HLCS: variants seen among roughly 807,000 people sequenced by gnomAD.
HLCS encodes the protein biotin--protein ligase.
A neutral mutation model predicts 75.0 loss-of-function variants in HLCS; 53 were observed. The observed-to-expected ratio is 0.71, with a 90% CI of 0.57 to 0.89. The LOEUF is 0.89. HLCS is among the 40% of genes least tolerant of loss of function. The pLI is 0.00. For missense variants in HLCS, 966 were observed against 1,074.0 expected, an observed-to-expected ratio of 0.90 and a Z score of 1.41; for synonymous variants, 431 against 428.6, an observed-to-expected ratio of 1.01 and a Z score of -0.07.
intron 1 of HLCS, chr21:36,974,094 G>A (rs1009753481): frequency 8.5e-5 from 13 of 152,460 alleles, no homozygotes; most frequent in African/African-American, 3.1e-4. Context: ...GTAGGGCTGA[G>A]GGCACACAAC....
At chr21:36,874,808 C>T (rs1405249002) in intron 6 of HLCS, among the ~76,000 whole-genome samples, 1 of 152,054 alleles carries the variant, frequency 6.6e-6, no homozygotes. Context: ...GCCCCATGCT[C>T]CCAGGTGCAG....
chr21:36,758,141 C>T (rs2145737844), intron 9 of HLCS, among the ~76,000 whole-genome samples: 1 of 151,906 alleles, frequency 6.6e-6, no homozygotes, highest in African/African-American at 2.4e-5. Flanking sequence ...GGTCTCACTC[C>T]AGTTGCCCAG....
chr21:36,950,343 A>T (rs2067612084), intron 2 of HLCS, among the ~76,000 whole-genome samples: 1 of 152,250 alleles, frequency 6.6e-6, no homozygotes, highest in African/African-American at 2.4e-5. Flanking sequence ...ACTCATAGTG[A>T]GTCAAAAGCT....
chr21:36,778,631 T>C (rs775485798), intron 6 of HLCS, among the ~76,000 whole-genome samples: 1 of 152,226 alleles, frequency 6.6e-6, no homozygotes, highest in Non-Finnish European at 1.5e-5. Flanking sequence ...TGAACCATCA[T>C]TTCTTCCATA....
At chr21:36,774,651 C>A (rs1385684764) in intron 6 of HLCS, among the ~76,000 whole-genome samples, 1 of 152,064 alleles carries the variant, frequency 6.6e-6, no homozygotes, top group Non-Finnish European at 1.5e-5. Context: ...ATACGTGATG[C>A]CTCTCCTCTC....
chr21:36,854,442 G>A (rs1160410978), intron 6 of HLCS, among the ~76,000 whole-genome samples: 1 of 152,176 alleles, frequency 6.6e-6, no homozygotes. Flanking sequence ...GGAACAGTAA[G>A]ACAAGCATCA....
At chr21:36,821,493 CA>C (rs1203814105) in intron 6 of HLCS, among the ~76,000 whole-genome samples, 5 of 152,144 alleles carry the variant, frequency 3.3e-5, no homozygotes, top group Middle Eastern at 3.2e-3. Context: ...TCACACTTAC[CA>C]AAAAATGGTT....
intron 2 of HLCS, among the ~76,000 whole-genome samples, chr21:36,952,565 G>A (rs1011640901): frequency 5.0e-4 from 76 of 152,222 alleles, no homozygotes; most frequent in African/African-American, 1.6e-3. Flanking sequence ...AGGCCAAGGC[G>A]GGCAGATCAT....
intron 9 of HLCS, chr21:36,759,217 T>C: frequency 2.1e-6 from 1 of 470,964 alleles, no homozygotes; most frequent in South Asian, 1.5e-5. Flanking sequence ...ACTTCTGAGA[T>C]TGCCTCTGAA....
chr21:36,799,092 T>C (rs1196387983), intron 6 of HLCS, among the ~76,000 whole-genome samples: 1 of 152,244 alleles, frequency 6.6e-6, no homozygotes, highest in African/African-American at 2.4e-5. Context: ...ATTTAAGAAA[T>C]CTTTCCCTAC....
At chr21:36,780,600 T>G (rs553656863) in intron 6 of HLCS, among the ~76,000 whole-genome samples, 1 of 152,266 alleles carries the variant, frequency 6.6e-6, no homozygotes, top group African/African-American at 2.4e-5. Flanking sequence ...GTATAGGCAT[T>G]TAGGTAGTTC....
intron 5 of HLCS, among the ~76,000 whole-genome samples, chr21:36,914,509 G>A (rs996062301): frequency 2.0e-5 from 3 of 152,184 alleles, no homozygotes; most frequent in Non-Finnish European, 2.9e-5. Flanking sequence ...AGGCTCAGAC[G>A]CTGAAAGGCC....
At chr21:36,765,826 T>C (rs2090011179) in intron 7 of HLCS, among the ~76,000 whole-genome samples, 1 of 152,122 alleles carries the variant, frequency 6.6e-6, no homozygotes, top group South Asian at 2.1e-4. Context: ...TTTGTATTTT[T>C]AGTAGAGACA....
intron 2 of HLCS, among the ~76,000 whole-genome samples, chr21:36,951,004 C>T (rs1248929925): frequency 1.3e-5 from 2 of 152,202 alleles, no homozygotes; most frequent in Non-Finnish European, 2.9e-5. Context: ...CATGTATGAA[C>T]ATTGCATGGC....
At chr21:36,755,395 C>T (rs2089525661) in intron 10 of HLCS, among the ~76,000 whole-genome samples, 1 of 147,224 alleles carries the variant, frequency 6.8e-6, no homozygotes, top group Non-Finnish European at 1.5e-5. Flanking sequence ...AAGACCCTCT[C>T]TAAAAAAAAA....
intron 6 of HLCS, among the ~76,000 whole-genome samples, chr21:36,820,489 T>C (rs1459093809): frequency 6.6e-6 from 1 of 152,252 alleles, no homozygotes; most frequent in African/African-American, 2.4e-5. Flanking sequence ...GCACCCACTC[T>C]GATTTCAGAG....
chr21:36,791,226 C>T lies in HLCS; in HGVS notation c.1893-23941G>A, dbSNP rs1026059806. On this transcript the variant is annotated intron_variant, in intron 6 of 10. Transcript: ENST00000674895. ...AAGTAGCAAGAATCGCATAAGGAAACCCCACATAGGATGTCCGGGGCAACA... is the reference window on the plus strand; with the variant it reads ...AAGTAGCAAGAATCGCATAAGGAAATCCCACATAGGATGTCCGGGGCAACA... Among the ~76,000 whole-genome samples the T allele has an allele frequency of 3.3e-5, 5 of 152,232 alleles. No individual in the cohort carries two copies. In the South Asian group the frequency reaches 1.0e-3, roughly 32 times the overall value.
intron 6 of HLCS, among the ~76,000 whole-genome samples, chr21:36,785,504 T>C (rs2060661102): frequency 6.6e-6 from 1 of 152,248 alleles, no homozygotes; most frequent in Non-Finnish European, 1.5e-5. Flanking sequence ...TTCGTGCTTC[T>C]GGGTGGGTTC....
chr21:36,817,857 A>C (rs1199092656), intron 6 of HLCS, among the ~76,000 whole-genome samples: 1 of 152,208 alleles, frequency 6.6e-6, no homozygotes, highest in African/African-American at 2.4e-5. Context: ...CTACACATCA[A>C]ACCCTACTGT....
Sources: gnomAD v4.1 joint callset for allele counts (sites outside exome capture counted in the v4.1 genomes callset) on GRCh38, gnomAD v4.1.1 for gene constraint, MANE v1.5 for transcripts, NCBI Gene and HGNC (gene_info 2026-07-23, HGNC 2026-07-21) for gene names.